Variants in TASP1 observed in about 807,000 individuals in gnomAD.
TASP1 encodes threonine aspartase 1.
Under a neutral mutation model 56.6 loss-of-function variants are expected in TASP1, and 16 were observed. That is an observed-to-expected ratio of 0.28 (90% CI 0.19 to 0.43). TASP1 has a LOEUF of 0.43. Ranked by LOEUF, TASP1 falls within the 20% of genes least tolerant of loss-of-function variation. The pLI is 1.00. For missense variants in TASP1, 393 were observed against 511.6 expected (o/e 0.77, Z 2.24); for synonymous variants, 179 against 184.2 (o/e 0.97, Z 0.23).
chr20:13,118,258 A>T, the TASP1 span, among the ~76,000 whole-genome samples: 1 of 152,134 alleles, frequency 6.6e-6, no homozygotes, highest in South Asian at 2.1e-4. Context: ...AAACGGTGGC[A>T]GGAATGTACT....
At position 13,514,321 on chromosome 20, in the gene TASP1, G is replaced by A. The variant is rs184261210; in HGVS notation, c.874+14112C>T. Among the ~76,000 whole-genome samples, 210 of 152,214 alleles carry A rather than the reference G, an allele frequency of 1.4e-3. 3 individuals are homozygous for A. Among genetic ancestry groups the A allele is most frequent in the Middle Eastern group, 6.8e-3 (2 of 294 alleles). On this transcript the variant is annotated intron_variant, in intron 10 of 13. Coordinates refer to ENST00000337743, the MANE Select transcript of TASP1 (RefSeq NM_017714.3). Reference sequence around the variant, plus strand: ...AGTAAAACATTCTAGGGCTGGGATAGAGAGAGAGAAATGGAGAAACAAGAA... The same window carrying A: ...AGTAAAACATTCTAGGGCTGGGATAAAGAGAGAGAAATGGAGAAACAAGAA...
the TASP1 span, among the ~76,000 whole-genome samples, chr20:13,309,383 T>C: frequency 6.6e-6 from 1 of 151,984 alleles, no homozygotes; most frequent in African/African-American, 2.4e-5. Context: ...TATTTCATAA[T>C]AAAAACTCTC....
At chr20:13,475,226 T>G (rs919498557) in intron 11 of TASP1, among the ~76,000 whole-genome samples, 2 of 152,168 alleles carry the variant, frequency 1.3e-5, no homozygotes, top group Non-Finnish European at 2.9e-5. Context: ...TGCTAAGATA[T>G]CTTAATGGTG....
intron 13 of TASP1, chr20:13,393,424 A>C (rs1426598227): frequency 7.8e-6 from 6 of 772,140 alleles, no homozygotes; most frequent in Non-Finnish European, 1.4e-5. Context: ...CGTCTGGAGA[A>C]ACCTGCCAAA....
chr20:13,169,346 C>T, the TASP1 span, among the ~76,000 whole-genome samples: 5 of 152,100 alleles, frequency 3.3e-5, no homozygotes, highest in African/African-American at 9.7e-5. Flanking sequence ...CAAGTCAGGG[C>T]TCTAGAGAGC....
the TASP1 span, among the ~76,000 whole-genome samples, chr20:13,268,326 TTTCTCC>T: frequency 3.7e-4 from 55 of 150,534 alleles, no homozygotes; most frequent in South Asian, 4.9e-3. Context: ...TTCTCTTCTC[TTTCTCC>T]TTCTCCTTCT....
intron 4 of TASP1, chr20:13,616,869 A>C (rs1237237038): frequency 3.1e-6 from 1 of 317,996 alleles, no homozygotes; most frequent in African/African-American, 2.2e-5. Flanking sequence ...TTACTGTCCC[A>C]GGCTAAATGG....
chr20:13,148,780 C>T, the TASP1 span, among the ~76,000 whole-genome samples: 1 of 152,170 alleles, frequency 6.6e-6, no homozygotes, highest in Non-Finnish European at 1.5e-5. Context: ...TTTAATGGGT[C>T]TGGGGTGCAG....
chr20:13,544,921 A>G (rs909631090), intron 8 of TASP1, among the ~76,000 whole-genome samples: 12 of 152,348 alleles, frequency 7.9e-5, no homozygotes, highest in Non-Finnish European at 1.3e-4. Flanking sequence ...ATGAAACACC[A>G]TAACAGTTGG....
intron 11 of TASP1, among the ~76,000 whole-genome samples, chr20:13,459,108 T>C (rs1334309191): frequency 1.3e-5 from 2 of 152,170 alleles, no homozygotes; most frequent in African/African-American, 4.8e-5. Context: ...ATATCCGTCC[T>C]GTCATAATAC....
Position 13,470,046 on chromosome 20 carries a change from T to A in TASP1, c.985+13181A>T, listed in dbSNP as rs1045556827. Among the ~76,000 whole-genome samples, 3 of 152,036 alleles carry A rather than the reference T, an allele frequency of 2.0e-5. No homozygotes were observed. In the East Asian group the frequency reaches 5.8e-4, roughly 29 times the overall value. ...CTGGTCTCGAACTCCTGACCTCAAA[T>A]GATCTGCCTGCTTTGGTTTCTAAAT... On this transcript the variant is annotated intron_variant, in intron 11 of 13. Coordinates refer to ENST00000337743, the MANE Select transcript of TASP1 (RefSeq NM_017714.3).
the TASP1 span, among the ~76,000 whole-genome samples, chr20:13,339,042 C>T: frequency 6.6e-5 from 10 of 152,106 alleles, no homozygotes; most frequent in East Asian, 3.9e-4. Context: ...AGGAAAAGAG[C>T]GATTTGCCCA....
the TASP1 span, among the ~76,000 whole-genome samples, chr20:13,375,713 G>A: frequency 7.2e-5 from 11 of 152,278 alleles, no homozygotes; most frequent in South Asian, 6.2e-4. Flanking sequence ...GTGTAAAAGC[G>A]TTCCTAATTC....
chr20:13,577,379 C>T (rs954446869), intron 6 of TASP1, among the ~76,000 whole-genome samples: 1 of 152,032 alleles, frequency 6.6e-6, no homozygotes, highest in African/African-American at 2.4e-5. Context: ...TTTAAGAAAA[C>T]AGAAGTTAAA....
chr20:13,324,973 T>C, the TASP1 span, among the ~76,000 whole-genome samples: 1 of 152,322 alleles, frequency 6.6e-6, no homozygotes, highest in South Asian at 2.1e-4. Context: ...TAGAAAATAT[T>C]TGTTTCTTTT....
At chr20:13,241,732 T>C in the TASP1 span, among the ~76,000 whole-genome samples, 1 of 152,104 alleles carries the variant, frequency 6.6e-6, no homozygotes, top group Non-Finnish European at 1.5e-5. Flanking sequence ...GGAAGGGCAG[T>C]TGGATTTTGG....
chr20:13,387,351 G>A (rs1177699215), downstream of TASP1, among the ~76,000 whole-genome samples: 7 of 151,736 alleles, frequency 4.6e-5, no homozygotes, highest in Non-Finnish European at 1.0e-4. Flanking sequence ...CCACCACCAC[G>A]CCCAGCTTAA....
At position 13,462,921 on chromosome 20, in the gene TASP1, A is replaced by G. The variant is rs76345985; in HGVS notation, c.985+20306T>C. Among the ~76,000 whole-genome samples the G allele has an allele frequency of 2.8e-3, 424 of 152,268 alleles. 1 individual carries two copies. Among genetic ancestry groups the G allele is most frequent in the African/African-American group, 9.5e-3 (395 of 41,570 alleles). ...ATCTTGTGTTTATGGAGTACAATTA[A>G]TATTGTTAAGATGTCAATACTACCC... On this transcript the variant is annotated intron_variant, in intron 11 of 13. Coordinates refer to ENST00000337743, the MANE Select transcript of TASP1 (RefSeq NM_017714.3).
chr20:13,503,983 A>G (rs1212228419), intron 10 of TASP1, among the ~76,000 whole-genome samples: 1 of 150,662 alleles, frequency 6.6e-6, no homozygotes, highest in Non-Finnish European at 1.5e-5. Context: ...AGTACCATCT[A>G]GCATTATGGA....
Sources: gnomAD v4.1 joint callset for allele counts (sites outside exome capture counted in the v4.1 genomes callset) on GRCh38, gnomAD v4.1.1 for gene constraint, MANE v1.5 for transcripts, NCBI Gene and HGNC (gene_info 2026-07-23, HGNC 2026-07-21) for gene names.